The following SNTB2 variants were observed in gnomAD, a reference collection of about 807,000 sequenced individuals.
SNTB2 encodes beta-2-syntrophin.
Under a neutral mutation model 46.2 loss-of-function variants are expected in SNTB2, and 34 were observed. The ratio of observed to expected loss-of-function variants is 0.74; its 90% CI spans 0.56 to 0.98. The LOEUF is 0.98. Among genes scored for constraint, SNTB2 ranks in the 50% least tolerant of loss-of-function variants. The pLI, the probability that SNTB2 is intolerant of heterozygous loss-of-function variation, is 0.00. For missense variants in SNTB2, 603 were observed against 731.4 expected (o/e 0.82, Z 2.02); for synonymous variants, 290 against 312.6 (o/e 0.93, Z 0.76).
intron 1 of SNTB2, among the ~76,000 whole-genome samples, chr16:69,222,366 G>T (rs1359665171): frequency 6.6e-6 from 1 of 152,170 alleles, no homozygotes; most frequent in Non-Finnish European, 1.5e-5. Context: ...GCCAAGGTGG[G>T]TAGATCATCT....
At chr16:69,231,469 A>C (rs773991552) in intron 1 of SNTB2, among the ~76,000 whole-genome samples, 3 of 152,074 alleles carry the variant, frequency 2.0e-5, no homozygotes, top group Non-Finnish European at 2.9e-5. Context: ...CATGCCTGTA[A>C]TCCCAGCTAC....
intron 1 of SNTB2, among the ~76,000 whole-genome samples, chr16:69,226,727 C>T (rs1014902617): frequency 1.3e-5 from 2 of 152,140 alleles, no homozygotes; most frequent in Admixed American, 6.5e-5. Context: ...GACGGGGTCT[C>T]GCTATGTTGC....
chr16:69,194,986 T>A (rs72789255), intron 1 of SNTB2, among the ~76,000 whole-genome samples: 8,279 of 152,298 alleles, frequency 0.054, 257 homozygotes, highest in South Asian at 0.075. Flanking sequence ...TAGGTACAGG[T>A]GAGCTTGTTG....
At chr16:69,244,993 T>C (rs1247656071) in intron 1 of SNTB2, among the ~76,000 whole-genome samples, 1 of 152,178 alleles carries the variant, frequency 6.6e-6, no homozygotes, top group Non-Finnish European at 1.5e-5. Flanking sequence ...GAAAAATCTG[T>C]CTTCAGATAA....
chr16:69,296,275 C>G (rs771807798), intron 5 of SNTB2, among the ~76,000 whole-genome samples: 13 of 151,502 alleles, frequency 8.6e-5, no homozygotes, highest in African/African-American at 2.9e-4. Context: ...AGTGAAACTC[C>G]GTCTCAAAAA....
At chr16:69,236,950 G>C (rs1317579817) in intron 1 of SNTB2, among the ~76,000 whole-genome samples, 1 of 152,206 alleles carries the variant, frequency 6.6e-6, no homozygotes, top group African/African-American at 2.4e-5. Context: ...GCTAACTATA[G>C]TACTGGTTTA....
intron 2 of SNTB2, among the ~76,000 whole-genome samples, chr16:69,248,386 C>T (rs1287003318): frequency 2.0e-5 from 3 of 152,164 alleles, no homozygotes; most frequent in Non-Finnish European, 4.4e-5. Context: ...GTAATCCCAG[C>T]ACTTTGGGAG....
intron 1 of SNTB2, among the ~76,000 whole-genome samples, chr16:69,232,009 G>A (rs1964510459): frequency 6.6e-6 from 1 of 152,060 alleles, no homozygotes; most frequent in African/African-American, 2.4e-5. Context: ...AATTTATACA[G>A]TAGATAGTCT....
intron 4 of SNTB2, among the ~76,000 whole-genome samples, chr16:69,281,194 T>C (rs1466187688): frequency 1.3e-5 from 2 of 152,130 alleles, no homozygotes; most frequent in Non-Finnish European, 2.9e-5. Flanking sequence ...TTTGATGTTA[T>C]ATCCTTTTAA....
chr16:69,229,842 CAAA>C (rs74748760), intron 1 of SNTB2, among the ~76,000 whole-genome samples: 7 of 108,096 alleles, frequency 6.5e-5, no homozygotes, highest in Admixed American at 9.9e-5. Context: ...GACCCTGTCT[CAAA>C]AAAAAAAAAA....
intron 1 of SNTB2, among the ~76,000 whole-genome samples, chr16:69,199,866 G>A (rs1964143473): frequency 6.6e-6 from 1 of 151,784 alleles, no homozygotes; most frequent in Non-Finnish European, 1.5e-5. Context: ...GGAGAAAGGG[G>A]GACTTTTAAA....
chr16:69,229,160 A>G (rs1964483649), intron 1 of SNTB2, among the ~76,000 whole-genome samples: 1 of 151,862 alleles, frequency 6.6e-6, no homozygotes. Flanking sequence ...AATTTTTTTC[A>G]TTATTATTTG....
chr16:69,232,086 A>C (rs2152295011), intron 1 of SNTB2, among the ~76,000 whole-genome samples: 1 of 152,268 alleles, frequency 6.6e-6, no homozygotes, highest in East Asian at 1.9e-4. Context: ...ATGAAGGCTA[A>C]TACTTTTGTA....
Position 69,187,692 on chromosome 16 carries a change from C to T in SNTB2, c.526C>T (p.His176Tyr). The T allele has an allele frequency of 6.5e-7, 1 of 1,543,812 alleles. No homozygotes were observed. Among genetic ancestry groups the T allele is most frequent in the African/African-American group, 1.4e-5 (1 of 70,012 alleles). ...CGGCACCGACCTGCGCCAGGCCACC[C>T]ACGACCAGGCCGTGCAGGCGCTGAA... ...VNGTDLRQAT[H>Y]DQAVQALKRA... The change falls in exon 1 of 7, where the codon CAC becomes TAC. Residue 176 changes from histidine to tyrosine, a missense_variant. Physicochemically the swap from His to Tyr is moderately conservative, Grantham distance 83. Transcript: ENST00000336278.
intron 1 of SNTB2, among the ~76,000 whole-genome samples, chr16:69,229,156 T>C (rs1011360915): frequency 6.6e-6 from 1 of 152,216 alleles, no homozygotes; most frequent in Non-Finnish European, 1.5e-5. Flanking sequence ...TAATAATTTT[T>C]TTCATTATTA....
At chr16:69,259,042 G>A (rs1308263525) in intron 2 of SNTB2, among the ~76,000 whole-genome samples, 2 of 151,974 alleles carry the variant, frequency 1.3e-5, no homozygotes, top group Non-Finnish European at 2.9e-5. Context: ...CTTCTTTACA[G>A]TGTGCCTATG....
At chr16:69,243,705 T>A (rs1410793068) in intron 1 of SNTB2, among the ~76,000 whole-genome samples, 1 of 152,128 alleles carries the variant, frequency 6.6e-6, no homozygotes, top group Non-Finnish European at 1.5e-5. Context: ...AAAGCTGAAG[T>A]ATGTATTGAA....
intron 1 of SNTB2, among the ~76,000 whole-genome samples, chr16:69,242,553 A>C (rs1332641428): frequency 6.6e-6 from 1 of 152,226 alleles, no homozygotes; most frequent in East Asian, 1.9e-4. Context: ...TAAAGAAAAA[A>C]ATGCAATCCT....
intron 2 of SNTB2, among the ~76,000 whole-genome samples, chr16:69,250,197 G>A (rs570536173): frequency 6.6e-6 from 1 of 152,278 alleles, no homozygotes; most frequent in African/African-American, 2.4e-5. Flanking sequence ...ATTTCCATGC[G>A]TTTTTTAGAC....
Sources: allele counts gnomAD v4.1 joint callset (sites outside exome capture counted in the v4.1 genomes callset), GRCh38; gene constraint gnomAD v4.1.1; transcripts MANE v1.5; gene names NCBI Gene and HGNC (gene_info 2026-07-23, HGNC 2026-07-21).